SPATA21: variants seen among roughly 807,000 people sequenced by gnomAD.
SPATA21 encodes spermatogenesis associated 21.
In SPATA21, 47 loss-of-function variants were observed where a neutral mutation model predicts 54.8. That is an observed-to-expected ratio of 0.86 (90% CI 0.68 to 1.09). The LOEUF is 1.09. SPATA21 is among the 50% of genes least tolerant of loss of function. The pLI, the probability that SPATA21 is intolerant of heterozygous loss-of-function variation, is 0.00. For synonymous variants in SPATA21, 245 were observed against 235.3 expected (o/e 1.04, Z -0.38); for missense variants, 599 against 596.4 (o/e 1.00, Z -0.05).
chr1:16,421,583 G>A lies in SPATA21; in HGVS notation c.96-26C>T, dbSNP rs1478865633. On this transcript the variant is annotated intron_variant, in intron 4 of 12. Coordinates refer to ENST00000335496, the MANE Select transcript of SPATA21 (RefSeq NM_198546.1). The surrounding 1 kb of genome is among the most constrained non-coding windows in gnomAD (Gnocchi z 5.2). ...CTGAATAGAAGAGAAACCCCCAGGT[G>A]GGGGAAGCGCTCAGCTGAAGGTTTG... 6.2e-7 allele frequency: 1 copy of A among 1,608,856 alleles called. No individual in the cohort carries two copies. Among genetic ancestry groups the A allele is most frequent in the African/African-American group, 1.3e-5 (1 of 74,826 alleles).
intron 7 of SPATA21, among the ~76,000 whole-genome samples, chr1:16,407,157 G>T (rs1205672981): frequency 6.6e-6 from 1 of 152,220 alleles, no homozygotes; most frequent in Non-Finnish European, 1.5e-5. Flanking sequence ...TGAATGGTAG[G>T]GAAGAGGTGG....
chr1:16,411,789 CA>C (rs1170429146), intron 5 of SPATA21, among the ~76,000 whole-genome samples: 683 of 35,152 alleles, frequency 0.019, 6 homozygotes, highest in African/African-American at 0.065. Context: ...GACTCTGTCT[CA>C]AAAAAAAAAA....
rs2086371792 is a variant in SPATA21 at position 16,428,267 on chromosome 1, A to C, written c.34+3071T>G. ...TGGAGTCCAGATTAGTACCCGAGAC[A>C]AGGGGATTGCCTTAAGGACAGCTTG... On this transcript the variant is annotated intron_variant, in intron 3 of 12. Coordinates refer to ENST00000335496, the MANE Select transcript of SPATA21 (RefSeq NM_198546.1). The surrounding 1 kb of genome is among the most constrained non-coding windows in gnomAD (Gnocchi z 4.3). Among the ~76,000 whole-genome samples, 1 of 152,194 alleles carries C rather than the reference A, an allele frequency of 6.6e-6. No individual in the cohort carries two copies.
At chr1:16,404,078 G>A (rs373599153) in intron 8 of SPATA21, 39 bp from the exon 9 acceptor site, 19 of 1,527,242 alleles carry the variant, frequency 1.2e-5, no homozygotes, top group Admixed American at 5.9e-5. Context: ...AGGGACCTTC[G>A]GAGCAGGTCC....
At chr1:16,398,971 G>A (rs1018904913) in intron 12 of SPATA21, 149 bp from the exon 13 acceptor site, 12 of 872,580 alleles carry the variant, frequency 1.4e-5, no homozygotes, top group Non-Finnish European at 2.1e-5. Flanking sequence ...TTAGGGGCCT[G>A]ATTCCAAGTC....
intron 3 of SPATA21, chr1:16,425,654 A>T: frequency 6.5e-7 from 1 of 1,550,218 alleles, no homozygotes; most frequent in Non-Finnish European, 8.7e-7. Context: ...GGAAGGCAGC[A>T]ACCCCAGCTC....
In SPATA21 at chr1:16,405,124, A is replaced by T. The variant is rs75866320; in HGVS notation, c.674-20T>A. The stretch of plus-strand genomic sequence containing the variant: ...GGAAGGCTGTGGGGAGGGCAGGGTT[A>T]TGTGGAGTGGGGGCATTTCTTGTTT... On this transcript the variant is annotated intron_variant, in intron 7 of 12. Transcript: ENST00000335496. 6,274 of 1,594,376 alleles carry T rather than the reference A, an allele frequency of 3.9e-3. 224 individuals are homozygous for T. The African/African-American group carries it at 0.074, about 19-fold the overall frequency.
intron 11 of SPATA21, chr1:16,400,442 CTACA>C: frequency 3.4e-6 from 4 of 1,163,476 alleles, no homozygotes; most frequent in South Asian, 3.1e-5. Flanking sequence ...TTGCTAATCT[CTACA>C]GCTGTTCTTT....
At chr1:16,419,058 G>A (rs1214752159) in intron 5 of SPATA21, among the ~76,000 whole-genome samples, 2 of 152,182 alleles carry the variant, frequency 1.3e-5, no homozygotes, top group South Asian at 2.1e-4. Context: ...AGATAATGTC[G>A]GAGGGAGAAA....
Position 16,421,480 on chromosome 1 carries a change from G to A in SPATA21, c.144+29C>T, listed in dbSNP as rs754926512. On this transcript the variant is annotated intron_variant, in intron 5 of 12. Transcript: ENST00000335496. This position sits in a 1 kb window ranked among gnomAD's most constrained non-coding sequence, Gnocchi z 5.2. Reference sequence around the variant, plus strand: ...CCCCTGCCTTTCTCCTACACAGCTCGTCCCCGTTCCCCCTATGGCCCTACT... The same window carrying A: ...CCCCTGCCTTTCTCCTACACAGCTCATCCCCGTTCCCCCTATGGCCCTACT... 61 of 1,600,644 alleles carry A rather than the reference G, an allele frequency of 3.8e-5. 2 individuals carry two copies. In the South Asian group the frequency reaches 5.0e-4, roughly 13 times the overall value.
intron 7 of SPATA21, 27 bp from the exon 8 acceptor site, chr1:16,405,131 G>A: frequency 1.3e-6 from 2 of 1,585,042 alleles, no homozygotes; most frequent in Non-Finnish European, 1.7e-6. Flanking sequence ...GTTATGTGGA[G>A]TGGGGGCATT....
intron 5 of SPATA21, among the ~76,000 whole-genome samples, chr1:16,418,248 G>C (rs2086070497): frequency 1.3e-5 from 2 of 152,170 alleles, no homozygotes; most frequent in Admixed American, 1.3e-4. Context: ...GCAAGGAATA[G>C]TTCTTATTTC....
rs2086454769 is a variant in SPATA21, at chr1:16,431,407, A to G, written c.-36T>C. On this transcript the variant is annotated 5_prime_UTR_variant, in exon 3 of 13. The change abolishes an upstream ATG in the 5' untranslated region. Transcript: ENST00000335496. ...CCAACACGGGTGCCAAGTGAGGGGCATCACCTAGTGTGCTCCTACAGGAGA... is the reference window on the plus strand; with the variant it reads ...CCAACACGGGTGCCAAGTGAGGGGCGTCACCTAGTGTGCTCCTACAGGAGA... 6.2e-7 allele frequency: 1 copy of G among 1,613,390 alleles called. No homozygotes were observed.
Position 16,421,611 on chromosome 1 carries a change from C to A in SPATA21, c.96-54G>T. 5 of 1,536,156 alleles carry A rather than the reference C, an allele frequency of 3.3e-6. No homozygotes were observed. The highest frequency in any genetic ancestry group is 1.9e-5 in the Admixed American group (1 of 53,030). ...GGAAGCGCTCAGCTGAAGGTTTGCC[C>A]CCCTGCCCTCCCCTCTCAGCCCCCA... On this transcript the variant is annotated intron_variant, in intron 4 of 12. Coordinates refer to ENST00000335496, the MANE Select transcript of SPATA21 (RefSeq NM_198546.1). The surrounding 1 kb of genome is among the most constrained non-coding windows in gnomAD (Gnocchi z 5.2).
At chr1:16,426,458 C>T (rs962905520) in intron 3 of SPATA21, among the ~76,000 whole-genome samples, 1 of 147,032 alleles carries the variant, frequency 6.8e-6, no homozygotes, top group African/African-American at 2.5e-5. Context: ...GGGGTTTCAC[C>T]ATGTTGTCCA....
Position 16,399,434 on chromosome 1 carries a change from C to G in SPATA21, c.1262G>C (p.Ser421Thr). Residue 421 changes from serine to threonine, a missense_variant, in exon 12 of 13, where the codon AGC (serine) becomes ACC (threonine). Physicochemically the swap from Ser to Thr is moderately conservative, Grantham distance 58. Coordinates refer to ENST00000335496, the MANE Select transcript of SPATA21 (RefSeq NM_198546.1). ...GCACTGGTCTAGTGCATAGTGGTTG[C>G]TCGGCTGCCTACGGACCATCTTCTT... is the stretch of plus-strand genomic sequence containing the variant. ...LDKKMVRRQP[S>T]NHYALDQCTP... The G allele has an allele frequency of 6.2e-7, 1 of 1,614,180 alleles. No individual in the cohort carries two copies.
Position 16,403,966 on chromosome 1 carries a change from A to G in SPATA21, c.883+2T>C. On this transcript the variant is annotated splice_donor_variant, in intron 9 of 12. Transcript: ENST00000335496. LOFTEE classifies it high-confidence loss of function. ...GACTACGCTGGGCTCATCCCTGCTC[A>G]CCCACAGAGCAGAAGAAGCGCCTGG... 2 of 1,593,254 alleles carry G rather than the reference A, an allele frequency of 1.3e-6. No homozygotes were observed. The highest frequency in any genetic ancestry group is 1.7e-6 in the Non-Finnish European group (2 of 1,169,802).
At chr1:16,423,559 T>TTC (rs1215920500) in intron 3 of SPATA21, among the ~76,000 whole-genome samples, 2 of 142,816 alleles carry the variant, frequency 1.4e-5, no homozygotes, top group Admixed American at 6.9e-5. Flanking sequence ...TTTTTTTTTT[T>TTC]TGGAGACAGA....
chr1:16,427,111 C>G (rs2086344895), intron 3 of SPATA21, among the ~76,000 whole-genome samples: 1 of 152,122 alleles, frequency 6.6e-6, no homozygotes, highest in Non-Finnish European at 1.5e-5. Context: ...CTGCTTGAAT[C>G]ACCAATTATT....
Sources: gnomAD v4.1 joint callset for allele counts (sites outside exome capture counted in the v4.1 genomes callset) on GRCh38, gnomAD v4.1.1 for gene constraint, Gnocchi (gnomAD v3.1) non-coding constraint, MANE v1.5 for transcripts, NCBI Gene and HGNC (gene_info 2026-07-23, HGNC 2026-07-21) for gene names.